SNTB1: variants seen among roughly 807,000 people sequenced by gnomAD.
SNTB1 encodes syntrophin beta 1.
In SNTB1, 36 loss-of-function variants were observed where a neutral mutation model predicts 48.9. The ratio of observed to expected loss-of-function variants is 0.74; its 90% CI spans 0.56 to 0.97. The LOEUF is 0.97. Ranked by LOEUF, SNTB1 falls within the 50% of genes least tolerant of loss-of-function variation. SNTB1 has a pLI of 0.00. For missense variants in SNTB1, 786 were observed against 703.4 expected (o/e 1.12, Z -1.33); for synonymous variants, 299 against 294.6 (o/e 1.01, Z -0.15).
intron 4 of SNTB1, among the ~76,000 whole-genome samples, chr8:120,555,832 C>G (rs1320366153): frequency 6.6e-6 from 1 of 151,960 alleles, no homozygotes; most frequent in Non-Finnish European, 1.5e-5. Flanking sequence ...GAAGAGAAGC[C>G]AAAAATCTCT....
At chr8:120,707,013 T>G (rs1818388382) in intron 1 of SNTB1, among the ~76,000 whole-genome samples, 1 of 152,200 alleles carries the variant, frequency 6.6e-6, no homozygotes, top group Non-Finnish European at 1.5e-5. Flanking sequence ...GTAAGGTAGA[T>G]GGTGACGGGT....
At chr8:120,648,824 C>T (rs1366804652) in intron 2 of SNTB1, among the ~76,000 whole-genome samples, 2 of 152,232 alleles carry the variant, frequency 1.3e-5, no homozygotes, top group African/African-American at 2.4e-5. Flanking sequence ...TAGATTTGGT[C>T]TTTTCAAATA....
chr8:120,576,040 C>T (rs530082291), intron 3 of SNTB1, among the ~76,000 whole-genome samples: 13 of 152,250 alleles, frequency 8.5e-5, no homozygotes, highest in Non-Finnish European at 1.8e-4. Flanking sequence ...TCTTTAAGCT[C>T]GGTTTAAAAA....
At chr8:120,639,664 G>A (rs1337206150) in intron 2 of SNTB1, among the ~76,000 whole-genome samples, 1 of 152,126 alleles carries the variant, frequency 6.6e-6, no homozygotes. Context: ...GTTTTTGTCA[G>A]GTTTGTCAAA....
chr8:120,804,221 T>A lies in SNTB1; in HGVS notation c.571+7052A>T, dbSNP rs113925351. ...TTCCCCTTTCCTTTCCTTCCTTCCC[T>A]CCTTCCCTTTCTCCCTCCCTTTATT... On this transcript the variant is annotated intron_variant, in intron 1 of 6. Transcript: ENST00000517992. 2.6e-3 allele frequency among the ~76,000 whole-genome samples: 395 copies of A among 151,720 alleles called. 3 individuals are homozygous for A. Among genetic ancestry groups the A allele is most frequent in the African/African-American group, 9.2e-3 (378 of 41,284 alleles).
At chr8:120,549,676 G>T (rs1264414494) in intron 4 of SNTB1, among the ~76,000 whole-genome samples, 1 of 152,182 alleles carries the variant, frequency 6.6e-6, no homozygotes, top group Non-Finnish European at 1.5e-5. Context: ...CTTGAAAGAA[G>T]AAGAATCAAA....
At chr8:120,600,771 G>T (rs575312993) in intron 3 of SNTB1, among the ~76,000 whole-genome samples, 1 of 152,018 alleles carries the variant, frequency 6.6e-6, no homozygotes, top group African/African-American at 2.4e-5. Flanking sequence ...AGGGGAAACT[G>T]GGCTTAGTCC....
rs1271971532 is a variant in SNTB1 at position 120,804,749 on chromosome 8, CT to C, written c.571+6523del. 4.6e-5 allele frequency among the ~76,000 whole-genome samples: 7 copies of C among 152,108 alleles called. No homozygotes were observed. In the East Asian group the frequency reaches 5.8e-4, roughly 13 times the overall value. On this transcript the variant is annotated intron_variant, in intron 1 of 6. Transcript: ENST00000517992. ...CCAAGGCATGGTCCTCAATTCCTTA[CT>C]TTTTTTTCCCCACTCTTCCCCCTCA... is the stretch of plus-strand genomic sequence containing the variant.
intron 1 of SNTB1, chr8:120,769,141 T>C (rs1257147989): frequency 6.6e-6 from 1 of 152,158 alleles, no homozygotes; most frequent in African/African-American, 2.4e-5. Flanking sequence ...GGTCCCTCTA[T>C]TTGAAATTCA....
chr8:120,752,125 A>G (rs977512089), intron 1 of SNTB1, among the ~76,000 whole-genome samples: 3 of 152,184 alleles, frequency 2.0e-5, no homozygotes, highest in African/African-American at 4.8e-5. Flanking sequence ...AATTAGCAAG[A>G]GCCAAGCCTA....
chr8:120,797,597 C>T (rs1473577669), intron 1 of SNTB1, among the ~76,000 whole-genome samples: 1 of 120,650 alleles, frequency 8.3e-6, no homozygotes, highest in Non-Finnish European at 1.6e-5. Flanking sequence ...TATGTGAAGG[C>T]CATGGCTAAT....
chr8:120,608,014 T>C (rs1158683632), intron 3 of SNTB1, among the ~76,000 whole-genome samples: 1 of 152,214 alleles, frequency 6.6e-6, no homozygotes, highest in Admixed American at 6.5e-5. Context: ...GGTTAGCACT[T>C]ATATTGCCTA....
At chr8:120,637,099 G>A in intron 2 of SNTB1, 1 of 368,740 alleles carries the variant, frequency 2.7e-6, no homozygotes. Context: ...GCATTGGCCA[G>A]TGTTTGCAGG....
At chr8:120,665,468 A>AAAT (rs572116249) in intron 2 of SNTB1, among the ~76,000 whole-genome samples, 1,019 of 32,840 alleles carry the variant, frequency 0.031, 12 homozygotes, top group Middle Eastern at 0.28. Context: ...ATAAATAAAT[A>AAAT]AAATATATAT....
intron 2 of SNTB1, among the ~76,000 whole-genome samples, chr8:120,675,149 T>C (rs1817814007): frequency 6.6e-6 from 1 of 152,226 alleles, no homozygotes; most frequent in Non-Finnish European, 1.5e-5. Context: ...CTGGGACCTC[T>C]GGGTTACAAT....
At chr8:120,693,131 C>T (rs1818155539) in intron 2 of SNTB1, among the ~76,000 whole-genome samples, 1 of 152,140 alleles carries the variant, frequency 6.6e-6, no homozygotes, top group African/African-American at 2.4e-5. Context: ...AACCAGCTCT[C>T]ACTTGAACTA....
intron 1 of SNTB1, among the ~76,000 whole-genome samples, chr8:120,784,627 T>A (rs951196443): frequency 6.6e-6 from 1 of 152,208 alleles, no homozygotes; most frequent in Non-Finnish European, 1.5e-5. Flanking sequence ...ATATTCTTGG[T>A]GTGGAATGCT....
chr8:120,614,576 T>C (rs1359821903), intron 3 of SNTB1, among the ~76,000 whole-genome samples: 1 of 152,228 alleles, frequency 6.6e-6, no homozygotes, highest in Admixed American at 6.5e-5. Context: ...ATGTCACCAA[T>C]GTGCCTGTGG....
intron 2 of SNTB1, among the ~76,000 whole-genome samples, chr8:120,641,028 C>T (rs1294214729): frequency 6.6e-6 from 1 of 151,844 alleles, no homozygotes; most frequent in Non-Finnish European, 1.5e-5. Flanking sequence ...GTTGGTAGGC[C>T]CAATAGCCAG....
Sources: gnomAD v4.1 joint callset for allele counts (sites outside exome capture counted in the v4.1 genomes callset) on GRCh38, gnomAD v4.1.1 for gene constraint, MANE v1.5 for transcripts, NCBI Gene and HGNC (gene_info 2026-07-23, HGNC 2026-07-21) for gene names.